The following NTN4 variants were observed in gnomAD, a reference collection of about 807,000 sequenced individuals.
NTN4 encodes netrin 4.
In NTN4, 32 loss-of-function variants were observed where a neutral mutation model predicts 73.6. The ratio of observed to expected loss-of-function variants is 0.44; its 90% CI spans 0.33 to 0.58. The LOEUF (loss-of-function observed/expected upper bound fraction) is 0.58, where lower values mean the gene tolerates loss of function less well. NTN4 is among the 20% of genes least tolerant of loss of function. NTN4 has a pLI of 0.04. For missense variants in NTN4, 654 were observed against 798.3 expected (o/e 0.82, Z 2.18); for synonymous variants, 258 against 287.5 (o/e 0.90, Z 1.04).
chr12:95,754,637 C>G (rs1316384299), intron 2 of NTN4, among the ~76,000 whole-genome samples: 2 of 152,162 alleles, frequency 1.3e-5, no homozygotes, highest in Non-Finnish European at 2.9e-5. Context: ...GTGATTAACC[C>G]TGTGAATTTC....
intron 2 of NTN4, among the ~76,000 whole-genome samples, chr12:95,770,053 G>A (rs1000350072): frequency 1.3e-5 from 2 of 152,104 alleles, no homozygotes; most frequent in Non-Finnish European, 2.9e-5. Flanking sequence ...GACCACTCCC[G>A]GCGGGTTTTC....
In NTN4 at chr12:95,778,279, A is replaced by G. The variant is rs557535848; in HGVS notation, c.585+8660T>C. On this transcript the variant is annotated intron_variant, in intron 2 of 9. Coordinates refer to ENST00000343702, the MANE Select transcript of NTN4 (RefSeq NM_021229.4). The stretch of plus-strand genomic sequence containing the variant: ...AGAGAAGCAAGAGCAAACACATTCA[A>G]AAGCTAGCAGAAGGCAAGAAATAAC... 5.0e-3 allele frequency among the ~76,000 whole-genome samples: 754 copies of G among 152,264 alleles called. 2 individuals carry two copies. The highest frequency in any genetic ancestry group is 0.016 in the African/African-American group (672 of 41,556).
intron 7 of NTN4, among the ~76,000 whole-genome samples, chr12:95,680,553 T>C (rs531906899): frequency 6.6e-6 from 1 of 152,326 alleles, no homozygotes; most frequent in Non-Finnish European, 1.5e-5. Flanking sequence ...TTTACGGCAG[T>C]GTTATTTATA....
chr12:95,738,348 A>G (rs1015704512), intron 2 of NTN4, among the ~76,000 whole-genome samples: 1 of 152,198 alleles, frequency 6.6e-6, no homozygotes, highest in Non-Finnish European at 1.5e-5. Context: ...TGTACACAGA[A>G]GTATACATTG....
chr12:95,716,466 C>G (rs1181637371), intron 3 of NTN4, among the ~76,000 whole-genome samples: 2 of 152,106 alleles, frequency 1.3e-5, no homozygotes, highest in Non-Finnish European at 2.9e-5. Context: ...TGAAATTTAT[C>G]CTGTAAGCAA....
intron 5 of NTN4, among the ~76,000 whole-genome samples, chr12:95,698,598 C>G (rs540710078): frequency 6.6e-6 from 1 of 151,992 alleles, no homozygotes; most frequent in Admixed American, 6.6e-5. Flanking sequence ...GCCTGTAATC[C>G]CAGCACTTTA....
At chr12:95,667,501 C>T (rs2078190766) in intron 8 of NTN4, among the ~76,000 whole-genome samples, 1 of 152,020 alleles carries the variant, frequency 6.6e-6, no homozygotes, top group East Asian at 1.9e-4. Context: ...GGAGTCATCA[C>T]ATTTTAGACT....
intron 9 of NTN4, among the ~76,000 whole-genome samples, chr12:95,664,570 A>G (rs1380244271): frequency 7.0e-6 from 1 of 142,258 alleles, no homozygotes; most frequent in East Asian, 2.1e-4. Context: ...TTTCTCTCTC[A>G]GTTATCTGCT....
chr12:95,732,654 C>T (rs1165588887), intron 3 of NTN4, among the ~76,000 whole-genome samples: 1 of 152,032 alleles, frequency 6.6e-6, no homozygotes, highest in African/African-American at 2.4e-5. Context: ...CTGCCTTGGC[C>T]TCCGAAAGTG....
chr12:95,659,304 C>A, intron 9 of NTN4, 82 bp from the exon 10 acceptor site: 1 of 1,128,392 alleles, frequency 8.9e-7, no homozygotes, highest in Admixed American at 2.3e-5. Flanking sequence ...TTTTCTTTTG[C>A]ATTTATTTTG....
At chr12:95,724,308 A>G (rs997320028) in intron 3 of NTN4, among the ~76,000 whole-genome samples, 8 of 152,166 alleles carry the variant, frequency 5.3e-5, no homozygotes, top group African/African-American at 1.9e-4. Context: ...ATTTTTTTCC[A>G]TCATTACTCC....
At chr12:95,738,859 C>T (rs2078801947) in intron 2 of NTN4, among the ~76,000 whole-genome samples, 1 of 152,194 alleles carries the variant, frequency 6.6e-6, no homozygotes. Context: ...TTGGCCTCTG[C>T]AGCTCATGGT....
chr12:95,744,675 T>G (rs909898338), intron 2 of NTN4, among the ~76,000 whole-genome samples: 2 of 152,220 alleles, frequency 1.3e-5, no homozygotes, highest in Non-Finnish European at 2.9e-5. Context: ...TAATTATCTT[T>G]AAAGAGATTT....
chr12:95,766,884 T>G (rs77741580), intron 2 of NTN4, among the ~76,000 whole-genome samples: 1 of 146,942 alleles, frequency 6.8e-6, no homozygotes, highest in South Asian at 2.2e-4. Context: ...TCAGGTCTTT[T>G]TCACATGAAT....
At chr12:95,702,902 G>A (rs1441818836) in intron 5 of NTN4, among the ~76,000 whole-genome samples, 2 of 139,916 alleles carry the variant, frequency 1.4e-5, no homozygotes, top group African/African-American at 5.3e-5. Flanking sequence ...GAGGCTCCCA[G>A]GCTGGAGTGC....
intron 2 of NTN4, among the ~76,000 whole-genome samples, chr12:95,772,836 G>A (rs1180515790): frequency 6.6e-6 from 1 of 152,112 alleles, no homozygotes; most frequent in Non-Finnish European, 1.5e-5. Flanking sequence ...AGTCTAGTCT[G>A]AATTATTGCA....
intron 7 of NTN4, chr12:95,672,241 CA>C (rs1201508555): frequency 1.2e-5 from 6 of 516,354 alleles, no homozygotes; most frequent in African/African-American, 3.8e-5. Context: ...GAGGCGGGGG[CA>C]GGGGGCGGGC....
intron 2 of NTN4, among the ~76,000 whole-genome samples, chr12:95,786,270 A>G (rs1018232906): frequency 2.6e-5 from 4 of 152,212 alleles, no homozygotes; most frequent in Admixed American, 2.6e-4. Flanking sequence ...GTATTGCCAC[A>G]TAAGTTAAGA....
chr12:95,672,729 T>A (rs2078242910), intron 7 of NTN4: 6 of 1,409,938 alleles, frequency 4.3e-6, no homozygotes, highest in Non-Finnish European at 6.0e-6. Context: ...ATCGTAGGTA[T>A]GCAGACCTCA....
Sources: gnomAD v4.1 joint callset for allele counts (sites outside exome capture counted in the v4.1 genomes callset) on GRCh38, gnomAD v4.1.1 for gene constraint, MANE v1.5 for transcripts, NCBI Gene and HGNC (gene_info 2026-07-23, HGNC 2026-07-21) for gene names.